Variants in OSBPL3 observed in about 807,000 individuals in gnomAD.
OSBPL3 encodes oxysterol-binding protein-related protein 3.
A neutral mutation model predicts 120.1 loss-of-function variants in OSBPL3; 65 were observed. That is an observed-to-expected ratio of 0.54 (90% CI 0.44 to 0.67). The LOEUF (loss-of-function observed/expected upper bound fraction) is 0.67. Ranked by LOEUF, OSBPL3 falls within the 30% of genes least tolerant of loss-of-function variation. The pLI is 0.00. For synonymous variants in OSBPL3, 416 were observed against 402.6 expected, an observed-to-expected ratio of 1.03 and a Z score of -0.40; for missense variants, 1,004 against 1,082.1, an observed-to-expected ratio of 0.93 and a Z score of 1.01.
intron 1 of OSBPL3, among the ~76,000 whole-genome samples, chr7:24,945,183 A>G (rs1430226532): frequency 6.6e-6 from 1 of 152,204 alleles, no homozygotes; most frequent in African/African-American, 2.4e-5. Context: ...TTTCTCTTCC[A>G]CATGATAATC....
chr7:24,868,627 GTTGA>G (rs1304926758), intron 5 of OSBPL3, among the ~76,000 whole-genome samples: 2 of 152,162 alleles, frequency 1.3e-5, no homozygotes, highest in Non-Finnish European at 2.9e-5. Flanking sequence ...TGGCTCTGGT[GTTGA>G]TTATTAGAAG....
Position 24,821,395 on chromosome 7 carries a change from C to A in OSBPL3, c.1885-1157G>T, listed in dbSNP as rs1348615078. Among the ~76,000 whole-genome samples the A allele has an allele frequency of 6.6e-6, 1 of 152,160 alleles. No homozygotes were observed. The highest frequency in any genetic ancestry group is 6.5e-5 in the Admixed American group (1 of 15,270). On this transcript the variant is annotated intron_variant, in intron 16 of 22. Transcript: ENST00000313367. The surrounding 1 kb of genome is among the most constrained non-coding windows in gnomAD (Gnocchi z 5.5). Reference sequence around the variant, plus strand: ...GTTTTCAGACCCGTCTTATCAAGAACCCAGAATACTGAGCCCTTGCTTGAG... The same window carrying A: ...GTTTTCAGACCCGTCTTATCAAGAAACCAGAATACTGAGCCCTTGCTTGAG...
At chr7:24,847,047 G>A (rs1217200418) in intron 12 of OSBPL3, among the ~76,000 whole-genome samples, 5 of 135,530 alleles carry the variant, frequency 3.7e-5, no homozygotes, top group African/African-American at 5.7e-5. Context: ...GCGACAGAGC[G>A]AGACTCTGTC....
chr7:24,818,316 T>C lies in OSBPL3; in HGVS notation c.1949-1628A>G, dbSNP rs980083734. ...CTTTACACGGGTGAATGATATGGTA[T>C]ATAAGTTATATGTTCATAAAATTGT... is the stretch of plus-strand genomic sequence containing the variant. On this transcript the variant is annotated intron_variant, in intron 17 of 22. Coordinates refer to ENST00000313367, the MANE Select transcript of OSBPL3 (RefSeq NM_015550.4). The surrounding 1 kb of genome is among the most constrained non-coding windows in gnomAD (Gnocchi z 4.0). 2.6e-5 allele frequency among the ~76,000 whole-genome samples: 4 copies of C among 152,138 alleles called. No individual in the cohort carries two copies. Among genetic ancestry groups the C allele is most frequent in the Non-Finnish European group, 5.9e-5 (4 of 68,020 alleles).
In OSBPL3 at chr7:24,937,166, A is replaced by G. The variant is rs926995836; in HGVS notation, c.-150+42720T>C. Among the ~76,000 whole-genome samples, 2 of 152,144 alleles carry G rather than the reference A, an allele frequency of 1.3e-5. No individual in the cohort carries two copies. Among genetic ancestry groups the G allele is most frequent in the African/African-American group, 4.8e-5 (2 of 41,426 alleles). ...AGGAGAAATGCCGAGCAAAAGGGGG[A>G]AAAGGCCCTTATATTATAAAACCAT... On this transcript the variant is annotated intron_variant, in intron 1 of 22. Coordinates refer to ENST00000313367, the MANE Select transcript of OSBPL3 (RefSeq NM_015550.4). This position sits in a 1 kb window ranked among gnomAD's most constrained non-coding sequence, Gnocchi z 4.0.
chr7:24,923,671 T>C (rs73276206), intron 1 of OSBPL3, among the ~76,000 whole-genome samples: 1,759 of 152,090 alleles, frequency 0.012, 35 homozygotes, highest in African/African-American at 0.04. Context: ...AGCACGCACA[T>C]GCAATGAGAC....
Position 24,932,444 on chromosome 7 carries a change from T to A in OSBPL3, c.-149-39823A>T, listed in dbSNP as rs1176931183. 6.6e-6 allele frequency among the ~76,000 whole-genome samples: 1 copy of A among 152,168 alleles called. No homozygotes were observed. Among genetic ancestry groups the A allele is most frequent in the Non-Finnish European group, 1.5e-5 (1 of 68,036 alleles). On this transcript the variant is annotated intron_variant, in intron 1 of 22. Coordinates refer to ENST00000313367, the MANE Select transcript of OSBPL3 (RefSeq NM_015550.4). This position sits in a 1 kb window ranked among gnomAD's most constrained non-coding sequence, Gnocchi z 5.6. Reference sequence around the variant, plus strand: ...AAAAGGGGGTGCTCTGGTGAGAATGTTGATGTCCCCCTGAAATTCATACAT... The same window carrying A: ...AAAAGGGGGTGCTCTGGTGAGAATGATGATGTCCCCCTGAAATTCATACAT...
In OSBPL3 at chr7:24,953,276, C is replaced by T. The variant is rs1814657945; in HGVS notation, c.-150+26610G>A. 6.6e-6 allele frequency among the ~76,000 whole-genome samples: 1 copy of T among 152,158 alleles called. No individual in the cohort carries two copies. The highest frequency in any genetic ancestry group is 2.1e-4 in the South Asian group (1 of 4,824). Reference sequence around the variant, plus strand: ...TATAGTTCAATTCTCAATATGCCATCATTTGTCAGCTCTGCCAAGGAGTAA... The same window carrying T: ...TATAGTTCAATTCTCAATATGCCATTATTTGTCAGCTCTGCCAAGGAGTAA... On this transcript the variant is annotated intron_variant, in intron 1 of 22. Transcript: ENST00000313367. This position sits in a 1 kb window ranked among gnomAD's most constrained non-coding sequence, Gnocchi z 4.3.
intron 16 of OSBPL3, among the ~76,000 whole-genome samples, chr7:24,825,545 G>C (rs1268411628): frequency 2.6e-5 from 4 of 152,112 alleles, no homozygotes; most frequent in African/African-American, 9.7e-5. Flanking sequence ...ACAAAGCAAT[G>C]GTTTAGTTGT....
chr7:24,903,018 G>A (rs546746794), intron 1 of OSBPL3, among the ~76,000 whole-genome samples: 1 of 152,334 alleles, frequency 6.6e-6, no homozygotes, highest in African/African-American at 2.4e-5. Context: ...ATAAGACAAT[G>A]TGTAAATAAA....
intron 1 of OSBPL3, among the ~76,000 whole-genome samples, chr7:24,910,843 G>C (rs1423395127): frequency 6.6e-6 from 1 of 152,222 alleles, no homozygotes; most frequent in East Asian, 1.9e-4. Flanking sequence ...ACAAAGCTGT[G>C]AGCTGGGTCG....
At chr7:24,880,223 G>C (rs1236341942) in intron 2 of OSBPL3, among the ~76,000 whole-genome samples, 1 of 152,104 alleles carries the variant, frequency 6.6e-6, no homozygotes, top group Non-Finnish European at 1.5e-5. Context: ...GAAAATTGAA[G>C]CTCCAAATTA....
rs575146157 is a variant in OSBPL3, at chr7:24,967,115, G to T, written c.-150+12771C>A. On this transcript the variant is annotated intron_variant, in intron 1 of 22. Transcript: ENST00000313367. This position sits in a 1 kb window ranked among gnomAD's most constrained non-coding sequence, Gnocchi z 5.6. ...ATCTACATTATCTCAAATTTTTATG[G>T]TAATTTTTCCTGTTTCCTATCATCC... is the stretch of plus-strand genomic sequence containing the variant. 1.3e-5 allele frequency among the ~76,000 whole-genome samples: 2 copies of T among 152,246 alleles called. No homozygotes were observed. Among genetic ancestry groups the T allele is most frequent in the East Asian group, 3.9e-4 (2 of 5,188 alleles).
At chr7:24,888,323 T>G (rs1172808638) in intron 2 of OSBPL3, among the ~76,000 whole-genome samples, 1 of 152,196 alleles carries the variant, frequency 6.6e-6, no homozygotes, top group African/African-American at 2.4e-5. Flanking sequence ...CTTACCACAA[T>G]GCTATGAGAA....
At chr7:24,907,477 C>T (rs1350145414) in intron 1 of OSBPL3, among the ~76,000 whole-genome samples, 3 of 152,190 alleles carry the variant, frequency 2.0e-5, no homozygotes, top group East Asian at 3.8e-4. Context: ...GTAAAACACT[C>T]AGCATAGTCC....
intron 2 of OSBPL3, among the ~76,000 whole-genome samples, chr7:24,880,668 T>C (rs74715294): frequency 0.032 from 4,812 of 152,202 alleles, 209 homozygotes; most frequent in African/African-American, 0.091. Flanking sequence ...AGCTCTTTCA[T>C]TTAGAGATGA....
In OSBPL3 at chr7:24,883,208, G is replaced by C. The variant is rs1278742344; in HGVS notation, c.96+9169C>G. 6.6e-6 allele frequency among the ~76,000 whole-genome samples: 1 copy of C among 152,130 alleles called. No homozygotes were observed. Among genetic ancestry groups the C allele is most frequent in the Non-Finnish European group, 1.5e-5 (1 of 68,030 alleles). On this transcript the variant is annotated intron_variant, in intron 2 of 22. Coordinates refer to ENST00000313367, the MANE Select transcript of OSBPL3 (RefSeq NM_015550.4). This position sits in a 1 kb window ranked among gnomAD's most constrained non-coding sequence, Gnocchi z 5.4. ...AGAGGAGGTGATTTAGGGTGATGTGGGCTTGTGAACAGATGCAGTGGAAAA... is the reference window on the plus strand; with the variant it reads ...AGAGGAGGTGATTTAGGGTGATGTGCGCTTGTGAACAGATGCAGTGGAAAA...
chr7:24,821,069 G>T lies in OSBPL3; in HGVS notation c.1885-831C>A, dbSNP rs983554199. ...CAGTCACACTCAGGGAACGTTGAGAGGTGTATATGCTGTCATTCTAATTCA... is the reference window on the plus strand; with the variant it reads ...CAGTCACACTCAGGGAACGTTGAGATGTGTATATGCTGTCATTCTAATTCA... On this transcript the variant is annotated intron_variant, in intron 16 of 22. Transcript: ENST00000313367. This position sits in a 1 kb window ranked among gnomAD's most constrained non-coding sequence, Gnocchi z 5.5. 6.6e-5 allele frequency among the ~76,000 whole-genome samples: 10 copies of T among 152,190 alleles called. No homozygotes were observed. Among genetic ancestry groups the T allele is most frequent in the African/African-American group, 2.4e-4 (10 of 41,448 alleles).
rs868578192 is a variant in OSBPL3 at position 24,835,856 on chromosome 7, C to T, written c.1496-1120G>A. 6.6e-6 allele frequency among the ~76,000 whole-genome samples: 1 copy of T among 151,998 alleles called. No homozygotes were observed. The highest frequency in any genetic ancestry group is 1.5e-5 in the Non-Finnish European group (1 of 67,996). On this transcript the variant is annotated intron_variant, in intron 14 of 22. Coordinates refer to ENST00000313367, the MANE Select transcript of OSBPL3 (RefSeq NM_015550.4). This position sits in a 1 kb window ranked among gnomAD's most constrained non-coding sequence, Gnocchi z 4.8. ...TTCTCACTTGTAAAGGGGTACTAAA[C>T]GTTAGTTCACATGAACATAAAGAAG...
Sources: allele counts gnomAD v4.1 joint callset (sites outside exome capture counted in the v4.1 genomes callset), GRCh38; gene constraint gnomAD v4.1.1; non-coding constraint Gnocchi (gnomAD v3.1); transcripts MANE v1.5; gene names NCBI Gene and HGNC (gene_info 2026-07-23, HGNC 2026-07-21).